Variants in KCNQ3 observed in about 807,000 individuals in gnomAD.
KCNQ3 encodes the protein potassium voltage-gated channel subfamily Q member 3, also known as potassium voltage-gated channel subfamily KQT member 3.
KCNQ3 carries 30 observed loss-of-function variants against 92.5 expected under a neutral mutation model. The observed-to-expected ratio is 0.32, with a 90% CI of 0.24 to 0.44. The LOEUF (loss-of-function observed/expected upper bound fraction) is 0.44, where lower values mean the gene tolerates loss of function less well. KCNQ3 is among the 20% of genes least tolerant of loss of function. The pLI is 1.00. For missense variants in KCNQ3, 913 were observed against 1,140.3 expected, an observed-to-expected ratio of 0.80 and a Z score of 2.87; for synonymous variants, 450 against 468.8, an observed-to-expected ratio of 0.96 and a Z score of 0.52.
intron 1 of KCNQ3, among the ~76,000 whole-genome samples, chr8:132,391,887 G>A (rs907615540): frequency 2.6e-5 from 4 of 152,066 alleles, no homozygotes; most frequent in Non-Finnish European, 5.9e-5. Flanking sequence ...GGCGAGGGTG[G>A]GTATGGACAC....
chr8:132,437,304 A>T (rs556886300), intron 1 of KCNQ3, among the ~76,000 whole-genome samples: 1 of 151,962 alleles, frequency 6.6e-6, no homozygotes, highest in African/African-American at 2.4e-5. Flanking sequence ...TAAAAAATAA[A>T]AAAAATAAAA....
chr8:132,121,086 G>A lies in KCNQ3; in HGVS notation c.*8176C>T. 1 of 152,174 alleles carries A rather than the reference G, an allele frequency of 6.6e-6. No individual in the cohort carries two copies. The highest frequency in any genetic ancestry group is 1.9e-4 in the East Asian group (1 of 5,198). 9.4% of individuals were successfully genotyped at this position (152,174 alleles called of 1,614,324 possible). Reference sequence around the variant, plus strand: ...ACTTGTGGAATAGTTGTGTTCCCCTGTAAGCCAGAATGTGAAGAAAGCCTA... The same window carrying A: ...ACTTGTGGAATAGTTGTGTTCCCCTATAAGCCAGAATGTGAAGAAAGCCTA... On this transcript the variant is annotated 3_prime_UTR_variant, in exon 15 of 15. Transcript: ENST00000388996.
intron 1 of KCNQ3, among the ~76,000 whole-genome samples, chr8:132,401,278 C>T (rs748847999): frequency 3.3e-5 from 5 of 152,092 alleles, no homozygotes; most frequent in Admixed American, 6.5e-5. Context: ...TTATGAAATC[C>T]ACTCCACTGT....
intron 1 of KCNQ3, among the ~76,000 whole-genome samples, chr8:132,473,583 T>C (rs1475921387): frequency 6.6e-6 from 1 of 152,156 alleles, no homozygotes; most frequent in Non-Finnish European, 1.5e-5. Context: ...CTGATTAACG[T>C]TAACAACACA....
intron 1 of KCNQ3, among the ~76,000 whole-genome samples, chr8:132,330,908 C>T (rs1048659326): frequency 6.6e-6 from 1 of 152,182 alleles, no homozygotes; most frequent in Non-Finnish European, 1.5e-5. Context: ...GTCTGATGGA[C>T]ATAACTTTCC....
At chr8:132,371,933 C>T (rs890213127) in intron 1 of KCNQ3, among the ~76,000 whole-genome samples, 2 of 152,210 alleles carry the variant, frequency 1.3e-5, no homozygotes, top group Non-Finnish European at 2.9e-5. Context: ...CTGAGAGCTA[C>T]TCCAGGGGGG....
At chr8:132,130,527 G>A (rs1047250719) in intron 14 of KCNQ3, among the ~76,000 whole-genome samples, 3 of 152,272 alleles carry the variant, frequency 2.0e-5, no homozygotes, top group Admixed American at 1.3e-4. Flanking sequence ...AGAAAACCTA[G>A]GCAAGGTCTT....
Position 132,410,252 on chromosome 8 carries a change from G to A in KCNQ3, c.386+69895C>T, listed in dbSNP as rs970958960. Reference sequence around the variant, plus strand: ...TGTTTTTTGATAACACCACTAATTCGAAAAGCATGTAAGGTAGGCTAAAAT... The same window carrying A: ...TGTTTTTTGATAACACCACTAATTCAAAAAGCATGTAAGGTAGGCTAAAAT... On this transcript the variant is annotated intron_variant, in intron 1 of 14. Coordinates refer to ENST00000388996, the MANE Select transcript of KCNQ3 (RefSeq NM_004519.4). Among the ~76,000 whole-genome samples the A allele has an allele frequency of 5.9e-5, 9 of 152,290 alleles. No homozygotes were observed. In the East Asian group the frequency reaches 9.7e-4, roughly 16 times the overall value.
At chr8:132,422,405 G>A (rs1820994112) in intron 1 of KCNQ3, among the ~76,000 whole-genome samples, 1 of 152,120 alleles carries the variant, frequency 6.6e-6, no homozygotes, top group African/African-American at 2.4e-5. Flanking sequence ...GCCGCCAGAG[G>A]GACAGCCTCA....
Position 132,339,188 on chromosome 8 carries a change from G to A in KCNQ3, c.386+140959C>T, listed in dbSNP as rs141954972. 1.9e-3 allele frequency among the ~76,000 whole-genome samples: 287 copies of A among 152,270 alleles called. 2 individuals are homozygous for A. The highest frequency in any genetic ancestry group is 6.7e-3 in the African/African-American group (277 of 41,540). Reference sequence around the variant, plus strand: ...CTGAGGCACCTCCTCTGAACAAAGTGGGGGCTGGAACAGAGCCAGGAGCAG... The same window carrying A: ...CTGAGGCACCTCCTCTGAACAAAGTAGGGGCTGGAACAGAGCCAGGAGCAG... On this transcript the variant is annotated intron_variant, in intron 1 of 14. Transcript: ENST00000388996.
chr8:132,140,130 T>C lies in KCNQ3; in HGVS notation c.1514A>G (p.Asp505Gly). The change falls in exon 11 of 15, where the codon GAC becomes GGC. Residue 505 changes from aspartate (D) to glycine (G), a missense_variant. Asp to Gly is a moderately conservative substitution (Grantham distance 94, BLOSUM62 -1). Transcript: ENST00000388996. ...GGGGATCATGTCTTCGATGGGGAAG[T>C]CATTCCCATAGCCCCTGTCTTCCGC... ...PMAEDRGYGNDFPIEDMIPTL... is the reference protein window; with the variant it reads ...PMAEDRGYGNGFPIEDMIPTL... The C allele has an allele frequency of 6.2e-7, 1 of 1,612,552 alleles. No homozygotes were observed. Among genetic ancestry groups the C allele is most frequent in the Non-Finnish European group, 8.5e-7 (1 of 1,179,534 alleles).
At chr8:132,280,487 C>A (rs1430954721) in intron 1 of KCNQ3, among the ~76,000 whole-genome samples, 1 of 152,150 alleles carries the variant, frequency 6.6e-6, no homozygotes, top group Non-Finnish European at 1.5e-5. Context: ...ACAATCAGAT[C>A]TCTTGAGAAC....
At chr8:132,159,483 A>G (rs78400961) in intron 9 of KCNQ3, among the ~76,000 whole-genome samples, 4,201 of 152,260 alleles carry the variant, frequency 0.028, 217 homozygotes, top group African/African-American at 0.097. Context: ...GAGATTGTCC[A>G]GGGTGTGAAT....
intron 1 of KCNQ3, among the ~76,000 whole-genome samples, chr8:132,366,698 C>G (rs546853428): frequency 6.6e-6 from 1 of 152,020 alleles, no homozygotes; most frequent in Non-Finnish European, 1.5e-5. Flanking sequence ...TTGCCAAATG[C>G]CTTTTCAGCA....
chr8:132,281,068 A>G (rs1045542344), intron 1 of KCNQ3, among the ~76,000 whole-genome samples: 1 of 152,180 alleles, frequency 6.6e-6, no homozygotes, highest in Non-Finnish European at 1.5e-5. Context: ...GCTCTCATTT[A>G]TTAGGCACCA....
intron 1 of KCNQ3, among the ~76,000 whole-genome samples, chr8:132,325,289 G>T (rs915773567): frequency 2.6e-5 from 4 of 152,106 alleles, no homozygotes; most frequent in Non-Finnish European, 5.9e-5. Flanking sequence ...GTGTGTTGGG[G>T]GTCAAGAGAG....
At chr8:132,208,385 C>G (rs1813736309) in intron 1 of KCNQ3, among the ~76,000 whole-genome samples, 1 of 151,780 alleles carries the variant, frequency 6.6e-6, no homozygotes, top group Non-Finnish European at 1.5e-5. Context: ...GCTTTGAGAC[C>G]CCTAAGTTAA....
At chr8:132,147,536 TG>T (rs1167071083) in intron 9 of KCNQ3, among the ~76,000 whole-genome samples, 1 of 152,072 alleles carries the variant, frequency 6.6e-6, no homozygotes, top group African/African-American at 2.4e-5. Context: ...TACACAGGAG[TG>T]TCTTAATAAA....
intron 1 of KCNQ3, among the ~76,000 whole-genome samples, chr8:132,383,242 T>C (rs557820462): frequency 1.3e-5 from 2 of 152,312 alleles, no homozygotes; most frequent in East Asian, 3.9e-4. Context: ...TACAGAGGAA[T>C]GCCTCCGGCT....
Sources: allele counts gnomAD v4.1 joint callset (sites outside exome capture counted in the v4.1 genomes callset), GRCh38; gene constraint gnomAD v4.1.1; transcripts MANE v1.5; gene names NCBI Gene and HGNC (gene_info 2026-07-23, HGNC 2026-07-21).